CLEC16A: variants seen among roughly 807,000 people sequenced by gnomAD.
CLEC16A encodes protein CLEC16A.
A neutral mutation model predicts 109.5 loss-of-function variants in CLEC16A; 51 were observed. The observed-to-expected ratio is 0.47, with a 90% CI of 0.37 to 0.59. CLEC16A has a LOEUF of 0.59. Among genes scored for constraint, CLEC16A ranks in the 20% least tolerant of loss-of-function variants. The probability of loss-of-function intolerance (pLI) is 0.00; values close to 1 mark genes in which losing one functional copy is unlikely to be tolerated. For missense variants in CLEC16A, 1,339 were observed against 1,394.0 expected, an observed-to-expected ratio of 0.96 and a Z score of 0.63; for synonymous variants, 673 against 564.2, an observed-to-expected ratio of 1.19 and a Z score of -2.73.
chr16:11,061,125 A>G, intron 19 of CLEC16A, 103 bp downstream of exon 19: 1 of 1,305,958 alleles, frequency 7.7e-7, no homozygotes, highest in Non-Finnish European at 1.0e-6. Flanking sequence ...TGTGCAACCT[A>G]CATTTTGTAC....
At chr16:11,133,921 G>C (rs1047264659) in intron 22 of CLEC16A, among the ~76,000 whole-genome samples, 2 of 152,148 alleles carry the variant, frequency 1.3e-5, no homozygotes, top group Admixed American at 6.5e-5. Context: ...GCGGGTCCGT[G>C]AGTTATGGAA....
chr16:11,042,148 TTGGTCTATCATGTGACC>T (rs1196403890), intron 14 of CLEC16A, 89 bp from the exon 15 acceptor site: 4 of 739,358 alleles, frequency 5.4e-6, no homozygotes, highest in Non-Finnish European at 9.1e-6. Context: ...CCATGAGCAG[TTGGTCTATCATGTGACC>T]TGCTAGCCTC....
chr16:11,107,633 C>G (rs2051303538), intron 19 of CLEC16A, among the ~76,000 whole-genome samples: 1 of 152,154 alleles, frequency 6.6e-6, no homozygotes, highest in Non-Finnish European at 1.5e-5. Context: ...TCAGGAAGGT[C>G]CAGGTGTCCT....
intron 22 of CLEC16A, among the ~76,000 whole-genome samples, chr16:11,146,056 G>T (rs1263436485): frequency 1.3e-5 from 2 of 152,166 alleles, no homozygotes; most frequent in Non-Finnish European, 2.9e-5. Flanking sequence ...CCTGACCTGG[G>T]TGGCCTCTGT....
At chr16:11,004,108 T>C (rs78658173) in intron 11 of CLEC16A, among the ~76,000 whole-genome samples, 2 of 152,230 alleles carry the variant, frequency 1.3e-5, no homozygotes, top group Non-Finnish European at 2.9e-5. Flanking sequence ...ACGTATGTGC[T>C]CTGTAAGCAA....
intron 11 of CLEC16A, among the ~76,000 whole-genome samples, chr16:11,013,810 A>T (rs1032252515): frequency 1.3e-5 from 2 of 151,912 alleles, no homozygotes; most frequent in Non-Finnish European, 2.9e-5. Context: ...ATGGTGGCGT[A>T]CACCTGTAAT....
intron 23 of CLEC16A, among the ~76,000 whole-genome samples, chr16:11,177,982 A>T (rs2068825367): frequency 6.6e-6 from 1 of 152,078 alleles, no homozygotes; most frequent in Non-Finnish European, 1.5e-5. Flanking sequence ...ATTTATCATC[A>T]GGCAGGCCTG....
At chr16:11,090,620 C>T (rs1050992507) in intron 19 of CLEC16A, among the ~76,000 whole-genome samples, 47 of 152,090 alleles carry the variant, frequency 3.1e-4, no homozygotes, top group African/African-American at 1.1e-3. Context: ...TTAGGAGGCT[C>T]TCTGGATTTT....
At chr16:11,002,125 G>A (rs1389550485) in intron 10 of CLEC16A, among the ~76,000 whole-genome samples, 1 of 152,182 alleles carries the variant, frequency 6.6e-6, no homozygotes, top group Non-Finnish European at 1.5e-5. Flanking sequence ...TCCTGGCTGT[G>A]TGACCTCGGG....
At chr16:11,059,062 C>G (rs533887630) in intron 18 of CLEC16A, among the ~76,000 whole-genome samples, 9 of 152,318 alleles carry the variant, frequency 5.9e-5, no homozygotes, top group Admixed American at 2.0e-4. Flanking sequence ...GTCATACATT[C>G]CTGAGTTCAC....
At chr16:11,085,360 G>A (rs573823436) in intron 19 of CLEC16A, among the ~76,000 whole-genome samples, 5 of 152,374 alleles carry the variant, frequency 3.3e-5, no homozygotes, top group African/African-American at 9.6e-5. Flanking sequence ...GAGAAAGCAC[G>A]CTTGCTTCAG....
chr16:11,000,717 T>G (rs1249132667), intron 10 of CLEC16A, among the ~76,000 whole-genome samples: 4 of 152,230 alleles, frequency 2.6e-5, no homozygotes, highest in African/African-American at 9.6e-5. Flanking sequence ...ATGTGTCATT[T>G]TTTTGTGGTT....
chr16:10,979,207 G>T (rs1012259218), intron 8 of CLEC16A, 122 bp from the exon 9 acceptor site: 1 of 795,384 alleles, frequency 1.3e-6, no homozygotes, highest in Admixed American at 2.5e-5. Flanking sequence ...CCCTAGGGCC[G>T]TGGAGGAAGT....
intron 19 of CLEC16A, chr16:11,071,000 C>G (rs906550759): frequency 6.6e-6 from 1 of 152,242 alleles, no homozygotes; most frequent in African/African-American, 2.4e-5. Context: ...CAGGATCCAA[C>G]TTCCTAGCAT....
chr16:11,137,795 C>T (rs1311205118), intron 22 of CLEC16A, among the ~76,000 whole-genome samples: 3 of 151,808 alleles, frequency 2.0e-5, no homozygotes, highest in Admixed American at 6.6e-5. Context: ...GGTAACAGAG[C>T]GAGACTCCCT....
At chr16:11,172,101 A>G (rs1269014397) in intron 23 of CLEC16A, among the ~76,000 whole-genome samples, 1 of 150,906 alleles carries the variant, frequency 6.6e-6, no homozygotes, top group Non-Finnish European at 1.5e-5. Context: ...CACATACACA[A>G]ATTTGCATGC....
In CLEC16A at chr16:11,178,883, C is replaced by T. The variant is rs76284850; in HGVS notation, c.*193C>T. 2 of 545,582 alleles carry T rather than the reference C, an allele frequency of 3.7e-6. No individual in the cohort carries two copies. Among genetic ancestry groups the T allele is most frequent in the Non-Finnish European group, 3.2e-6 (1 of 312,562 alleles). 33.8% of individuals were successfully genotyped at this position (545,582 alleles called of 1,614,324 possible). On this transcript the variant is annotated 3_prime_UTR_variant, in exon 24 of 24. Coordinates refer to ENST00000409790, the MANE Select transcript of CLEC16A (RefSeq NM_015226.3). This position sits in a 1 kb window ranked among gnomAD's most constrained non-coding sequence, Gnocchi z 6.5. ...CTTGAATTCCTTTTTCACTTTGCAT[C>T]TCTTCACGTGCAGGCTGGGACCAGC...
chr16:11,149,117 A>C (rs961847658), intron 22 of CLEC16A, among the ~76,000 whole-genome samples: 1 of 152,222 alleles, frequency 6.6e-6, no homozygotes, highest in Non-Finnish European at 1.5e-5. Flanking sequence ...AGCAGAGGCC[A>C]GGGGAGGGGC....
chr16:11,047,523 A>G (rs1016100391), intron 17 of CLEC16A, 181 bp downstream of exon 17: 18 of 443,952 alleles, frequency 4.1e-5, no homozygotes, highest in African/African-American at 4.1e-5. Context: ...ATTTCAGACT[A>G]TATTCTCTCC....
Sources: allele counts gnomAD v4.1 joint callset (sites outside exome capture counted in the v4.1 genomes callset), GRCh38; gene constraint gnomAD v4.1.1; non-coding constraint Gnocchi (gnomAD v3.1); transcripts MANE v1.5; gene names NCBI Gene and HGNC (gene_info 2026-07-23, HGNC 2026-07-21).